CDH10: variants seen among roughly 807,000 people sequenced by gnomAD.
CDH10 encodes the protein cadherin 10.
CDH10 carries 30 observed loss-of-function variants against 73.1 expected under a neutral mutation model. The ratio of observed to expected loss-of-function variants is 0.41; its 90% CI spans 0.31 to 0.56. CDH10 has a LOEUF of 0.56. CDH10 is among the 20% of genes least tolerant of loss of function. CDH10 has a pLI of 0.27. For missense variants in CDH10, 815 were observed against 973.7 expected (o/e 0.84, Z 2.17); for synonymous variants, 345 against 348.2 (o/e 0.99, Z 0.10).
chr5:24,624,632 C>T (rs1561202153), intron 1 of CDH10, among the ~76,000 whole-genome samples: 1 of 152,072 alleles, frequency 6.6e-6, no homozygotes, highest in Non-Finnish European at 1.5e-5. Flanking sequence ...TTCTGAGATT[C>T]CAGGTTCAGA....
chr5:24,602,842 C>A (rs947406371), intron 1 of CDH10, among the ~76,000 whole-genome samples: 5 of 152,092 alleles, frequency 3.3e-5, no homozygotes, highest in Non-Finnish European at 7.4e-5. Flanking sequence ...TCTTACTCCC[C>A]TAACTCAGCT....
At chr5:24,640,947 A>G (rs1748031798) in intron 1 of CDH10, among the ~76,000 whole-genome samples, 1 of 151,992 alleles carries the variant, frequency 6.6e-6, no homozygotes, top group African/African-American at 2.4e-5. Context: ...AGAGTTAAGC[A>G]AAAGTTGTAT....
At chr5:24,582,550 G>A (rs962110598) in intron 2 of CDH10, among the ~76,000 whole-genome samples, 4 of 152,036 alleles carry the variant, frequency 2.6e-5, no homozygotes, top group African/African-American at 4.8e-5. Flanking sequence ...TTCCTGGCCT[G>A]GGGAGAGGAC....
chr5:24,542,315 G>A (rs1744183947), intron 2 of CDH10, among the ~76,000 whole-genome samples: 1 of 152,128 alleles, frequency 6.6e-6, no homozygotes, highest in African/African-American at 2.4e-5. Context: ...GTCTGCTATA[G>A]CAAACTACAA....
chr5:24,566,914 G>A (rs1001963405), intron 2 of CDH10, among the ~76,000 whole-genome samples: 2 of 152,014 alleles, frequency 1.3e-5, no homozygotes, highest in African/African-American at 4.8e-5. Flanking sequence ...GAGACTGGGG[G>A]TAAAATCATT....
At chr5:24,584,445 C>CT (rs34192671) in intron 2 of CDH10, among the ~76,000 whole-genome samples, 419 of 28,062 alleles carry the variant, frequency 0.015, 18 homozygotes, top group East Asian at 0.038. Flanking sequence ...CTTTCTTTTC[C>CT]TTTTTTTTTT....
chr5:24,638,321 G>GA (rs886985187), intron 1 of CDH10, among the ~76,000 whole-genome samples: 2 of 151,480 alleles, frequency 1.3e-5, no homozygotes, highest in African/African-American at 4.8e-5. Context: ...GAAAGTCTCA[G>GA]AAAAAGTAGA....
intron 1 of CDH10, among the ~76,000 whole-genome samples, chr5:24,625,530 AATCTATTT>A (rs1747462318): frequency 7.2e-6 from 1 of 138,418 alleles, no homozygotes; most frequent in Admixed American, 7.5e-5. Context: ...GACTGAGATC[AATCTATTT>A]ATCTATCTGT....
chr5:24,513,760 C>T (rs1291647267), intron 5 of CDH10, among the ~76,000 whole-genome samples: 2 of 152,132 alleles, frequency 1.3e-5, no homozygotes, highest in South Asian at 2.1e-4. Flanking sequence ...TTGCTACCAT[C>T]TTATTGGTTC....
intron 2 of CDH10, among the ~76,000 whole-genome samples, chr5:24,587,077 C>T (rs1162919987): frequency 2.0e-5 from 3 of 151,806 alleles, no homozygotes; most frequent in Non-Finnish European, 4.4e-5. Context: ...ATCTCCTGAC[C>T]TCGTGATCTG....
At position 24,573,898 on chromosome 5, in the gene CDH10, T is replaced by TA. The variant is rs540631932; in HGVS notation, c.231+19361_231+19362insT. Among the ~76,000 whole-genome samples, 239 of 149,526 alleles carry TA rather than the reference T, an allele frequency of 1.6e-3. 1 individual carries two copies. The highest frequency in any genetic ancestry group is 5.7e-3 in the African/African-American group (232 of 40,924). ...TCATATTATATAAAAAATATATATA[T>TA]TTTTGAGACGGATTCTCTCTCTGTC... On this transcript the variant is annotated intron_variant, in intron 2 of 11. Coordinates refer to ENST00000264463, the MANE Select transcript of CDH10 (RefSeq NM_006727.5).
chr5:24,585,937 T>A lies in CDH10; in HGVS notation c.231+7323A>T, dbSNP rs1325341654. Among the ~76,000 whole-genome samples, 13 of 152,212 alleles carry A rather than the reference T, an allele frequency of 8.5e-5. No individual in the cohort carries two copies. In the East Asian group the frequency reaches 2.1e-3, roughly 25 times the overall value. The stretch of plus-strand genomic sequence containing the variant: ...CAAACTAGATTTGGTGCTAAGCCTA[T>A]GATGCAGACTTGCAAATAGCGACAG... On this transcript the variant is annotated intron_variant, in intron 2 of 11. Coordinates refer to ENST00000264463, the MANE Select transcript of CDH10 (RefSeq NM_006727.5).
chr5:24,560,480 T>C (rs906183431), intron 2 of CDH10, among the ~76,000 whole-genome samples: 2 of 46,670 alleles, frequency 4.3e-5, no homozygotes, highest in Non-Finnish European at 4.7e-5. Context: ...ATAGAAACTA[T>C]TGTGTTTTTT....
chr5:24,489,398 A>G (rs1741965551), intron 11 of CDH10, among the ~76,000 whole-genome samples: 1 of 152,176 alleles, frequency 6.6e-6, no homozygotes, highest in South Asian at 2.1e-4. Flanking sequence ...TGCCCAAGCA[A>G]TTAAAAAGCA....
At chr5:24,539,290 T>A (rs1744070418) in intron 2 of CDH10, among the ~76,000 whole-genome samples, 1 of 152,036 alleles carries the variant, frequency 6.6e-6, no homozygotes, top group Non-Finnish European at 1.5e-5. Flanking sequence ...AATTTTAAAC[T>A]AATTACGTCC....
intron 1 of CDH10, among the ~76,000 whole-genome samples, chr5:24,623,254 T>C (rs927225554): frequency 2.6e-5 from 4 of 152,162 alleles, no homozygotes. Flanking sequence ...ACTAGTTTTA[T>C]GTAACAGTCT....
chr5:24,523,164 T>C (rs1743402283), intron 5 of CDH10, among the ~76,000 whole-genome samples: 1 of 152,202 alleles, frequency 6.6e-6, no homozygotes. Flanking sequence ...GATGTCCATT[T>C]TCATCAATCA....
intron 2 of CDH10, among the ~76,000 whole-genome samples, chr5:24,554,486 GT>G (rs1561159536): frequency 7.7e-5 from 11 of 143,660 alleles, no homozygotes; most frequent in Middle Eastern, 3.5e-3. Flanking sequence ...GTGTGTGTGT[GT>G]GTGTGTGTGT....
At chr5:24,597,528 C>T (rs566953785) in intron 1 of CDH10, among the ~76,000 whole-genome samples, 8 of 152,122 alleles carry the variant, frequency 5.3e-5, no homozygotes, top group South Asian at 2.1e-4. Context: ...CCTTTTTCCA[C>T]GTTTTTTTAA....
Sources: allele counts gnomAD v4.1 joint callset (sites outside exome capture counted in the v4.1 genomes callset), GRCh38; gene constraint gnomAD v4.1.1; transcripts MANE v1.5; gene names NCBI Gene and HGNC (gene_info 2026-07-23, HGNC 2026-07-21).